Variants in EEA1 observed in about 807,000 individuals in gnomAD.
The protein encoded by EEA1 is early endosome antigen 1, 162kD.
A neutral mutation model predicts 209.2 loss-of-function variants in EEA1; 111 were observed. That is an observed-to-expected ratio of 0.53 (90% CI 0.45 to 0.62). The LOEUF (loss-of-function observed/expected upper bound fraction) is 0.62, where lower values mean the gene tolerates loss of function less well. Among genes scored for constraint, EEA1 ranks in the 20% least tolerant of loss-of-function variants. EEA1 has a pLI of 0.00. For missense variants in EEA1, 1,343 were observed against 1,530.8 expected, an observed-to-expected ratio of 0.88 and a Z score of 2.05; for synonymous variants, 536 against 540.6, an observed-to-expected ratio of 0.99 and a Z score of 0.12.
At position 92,774,799 on chromosome 12, in the gene EEA1, A is replaced by G. The variant is rs1873585413; in HGVS notation, c.*1212T>C. 2 of 151,664 alleles carry G rather than the reference A, an allele frequency of 1.3e-5. No homozygotes were observed. The highest frequency in any genetic ancestry group is 4.8e-5 in the African/African-American group (2 of 41,398). The allele number at this position is 151,664 out of a possible 1,614,324, so 9.4% of individuals were successfully genotyped here. On this transcript the variant is annotated 3_prime_UTR_variant, in exon 29 of 29. Coordinates refer to ENST00000322349, the MANE Select transcript of EEA1 (RefSeq NM_003566.4). ...TGCAAAGTTAAAATTAAAACTGGGA[A>G]CAGTTGACATGGAACACCAAATTCA...
intron 1 of EEA1, among the ~76,000 whole-genome samples, chr12:92,927,321 G>A (rs1032258243): frequency 3.9e-5 from 6 of 152,310 alleles, no homozygotes; most frequent in Middle Eastern, 6.8e-3. Flanking sequence ...CAATAGCGCC[G>A]ACGTTAAGAA....
chr12:92,888,341 G>A (rs1879499648), intron 2 of EEA1, among the ~76,000 whole-genome samples: 1 of 152,158 alleles, frequency 6.6e-6, no homozygotes, highest in Non-Finnish European at 1.5e-5. Flanking sequence ...AGCACTTTGG[G>A]AGGCCGAAGC....
chr12:92,831,640 A>G (rs1876644059), intron 11 of EEA1, among the ~76,000 whole-genome samples: 1 of 147,502 alleles, frequency 6.8e-6, no homozygotes, highest in South Asian at 2.1e-4. Context: ...ATAAATATAT[A>G]AATATATAAT....
intron 1 of EEA1, 26 bp downstream of exon 1, chr12:92,929,017 C>G (rs1328251864): frequency 1.3e-6 from 2 of 1,585,124 alleles, no homozygotes; most frequent in South Asian, 2.3e-5. Context: ...TCACGTGCTG[C>G]CAGAAAGACG....
At chr12:92,843,102 GATCACTAT>G (rs1482314586) in intron 9 of EEA1, among the ~76,000 whole-genome samples, 1 of 152,142 alleles carries the variant, frequency 6.6e-6, no homozygotes, top group Non-Finnish European at 1.5e-5. Flanking sequence ...CCTTAAGCTA[GATCACTAT>G]ATGGTCAGGT....
At position 92,776,032 on chromosome 12, in the gene EEA1, A is replaced by G. The variant is rs375244289; in HGVS notation, c.4215T>C (p.Cys1405=). The G allele has an allele frequency of 1.7e-5, 28 of 1,611,080 alleles. No homozygotes were observed. Among genetic ancestry groups the G allele is most frequent in the Non-Finnish European group, 2.4e-5 (28 of 1,178,158 alleles). The change falls in exon 29 of 29, where the codon TGT becomes TGC. Residue 1405 remains cysteine (C), a synonymous_variant. Transcript: ENST00000322349. ...CCCATTATCCTTGCAAGTCATTGAA[A>G]CATGCATCACAGACACGAACAGGCT... The part of the protein sequence containing the change: ...SKKPVRVCDA[C]FNDLQG
At chr12:92,780,210 T>C (rs1565804934) in intron 24 of EEA1, 70 bp downstream of exon 24, 1 of 1,441,486 alleles carries the variant, frequency 6.9e-7, no homozygotes, top group Non-Finnish European at 9.3e-7. Flanking sequence ...AATAAATATG[T>C]ATGGGTATAT....
At chr12:92,850,321 A>G (rs1467053282) in intron 9 of EEA1, among the ~76,000 whole-genome samples, 1 of 152,204 alleles carries the variant, frequency 6.6e-6, no homozygotes, top group Non-Finnish European at 1.5e-5. Context: ...GGGTTGGCAT[A>G]AAGGGAAGTT....
rs765424559 is a variant in EEA1 at position 92,852,914 on chromosome 12, G to A, written c.518C>T (p.Ala173Val). 6.2e-7 allele frequency: 1 copy of A among 1,606,082 alleles called. No homozygotes were observed. Among genetic ancestry groups the A allele is most frequent in the Non-Finnish European group, 8.5e-7 (1 of 1,175,872 alleles). ...QKAAQLATEI[A>V]DIKSKYDEER... Reference sequence around the variant, plus strand: ...TAAAAAATTCTAACTCAATTTACCTGCAATTTCAGTAGCAAGTTGGGCTGC... The same window carrying A: ...TAAAAAATTCTAACTCAATTTACCTACAATTTCAGTAGCAAGTTGGGCTGC... Residue 173 changes from alanine to valine, a missense_variant and splice_region_variant, in exon 7 of 29, where the codon GCA becomes GTA. By Grantham distance (64) the Ala-to-Val change is moderately conservative (BLOSUM62 0). Transcript: ENST00000322349.
chr12:92,798,568 T>G (rs963425292), intron 21 of EEA1, among the ~76,000 whole-genome samples: 1 of 152,050 alleles, frequency 6.6e-6, no homozygotes, highest in Non-Finnish European at 1.5e-5. Flanking sequence ...GTGATCTGCC[T>G]GCCTTGGAGT....
rs563245622 is a variant in EEA1, at chr12:92,807,079, G to A, written c.2339+1938C>T. ...AGCAATTCTCATGCCTCAGCCTCCC[G>A]AGTAGCTGAGATTACAGGCGTGTGC... On this transcript the variant is annotated intron_variant, in intron 18 of 28. Coordinates refer to ENST00000322349, the MANE Select transcript of EEA1 (RefSeq NM_003566.4). 7.9e-5 allele frequency among the ~76,000 whole-genome samples: 12 copies of A among 152,042 alleles called. No individual in the cohort carries two copies. In the South Asian group the frequency reaches 2.1e-3, roughly 26 times the overall value.
In EEA1 at chr12:92,773,875, A is replaced by C. The variant is rs1482423531; in HGVS notation, c.*2136T>G. On this transcript the variant is annotated 3_prime_UTR_variant, in exon 29 of 29. Coordinates refer to ENST00000322349, the MANE Select transcript of EEA1 (RefSeq NM_003566.4). ...TACTCGGGACTTATGAAATGAAATT[A>C]GATAAAAATGAGAAAATCATTCAAA... 1 of 151,628 alleles carries C rather than the reference A, an allele frequency of 6.6e-6. No individual in the cohort carries two copies. Among genetic ancestry groups the C allele is most frequent in the African/African-American group, 2.4e-5 (1 of 41,392 alleles). 9.4% of individuals were successfully genotyped at this position (151,628 alleles called of 1,614,324 possible). A position where few individuals can be genotyped will look rare whatever the true frequency, so the allele number is the denominator to read the frequency against.
At chr12:92,818,275 A>G (rs1255854597) in intron 14 of EEA1, among the ~76,000 whole-genome samples, 1 of 152,164 alleles carries the variant, frequency 6.6e-6, no homozygotes, top group Non-Finnish European at 1.5e-5. Flanking sequence ...GCGGTGCCAC[A>G]GTCTGGAAAA....
intron 18 of EEA1, among the ~76,000 whole-genome samples, chr12:92,805,144 T>C (rs1422939543): frequency 1.3e-5 from 2 of 152,190 alleles, no homozygotes; most frequent in Non-Finnish European, 2.9e-5. Context: ...GGAGATGATC[T>C]TCATGGACTG....
Position 92,852,182 on chromosome 12 carries a change from G to T in EEA1, c.635C>A (p.Thr212Lys). ...AAATAATTCCTAAATTACCAGTTCC[G>T]TCTTCAGATCTTGAATTACAGTTGC... is the stretch of plus-strand genomic sequence containing the variant. Reference protein sequence around the residue: ...KEATVIQDLKTELLQRPGIED... With the variant: ...KEATVIQDLKKELLQRPGIED... The change falls in exon 8 of 29, where the codon ACG becomes AAG. Residue 212 changes from threonine to lysine, a missense_variant. Physicochemically the swap from Thr to Lys is moderately conservative, Grantham distance 78. Coordinates refer to ENST00000322349, the MANE Select transcript of EEA1 (RefSeq NM_003566.4). 6.3e-7 allele frequency: 1 copy of T among 1,575,238 alleles called. No homozygotes were observed. Among genetic ancestry groups the T allele is most frequent in the Non-Finnish European group, 8.6e-7 (1 of 1,164,176 alleles).
intron 10 of EEA1, among the ~76,000 whole-genome samples, chr12:92,839,283 A>G (rs1877058441): frequency 1.3e-5 from 2 of 152,190 alleles, no homozygotes; most frequent in African/African-American, 4.8e-5. Context: ...ATCCACTCAA[A>G]AGGCAAGATA....
chr12:92,786,938 G>T (rs898579730), intron 22 of EEA1, among the ~76,000 whole-genome samples: 1 of 152,096 alleles, frequency 6.6e-6, no homozygotes, highest in Non-Finnish European at 1.5e-5. Context: ...CTGTCTGCTT[G>T]CTTTATTCAT....
chr12:92,811,452 TG>T lies in EEA1; in HGVS notation c.2044-19del. On this transcript the variant is annotated intron_variant, in intron 16 of 28. Coordinates refer to ENST00000322349, the MANE Select transcript of EEA1 (RefSeq NM_003566.4). ...TTTAACTCCTTTAGAAAAGTACAAT[TG>T]AAGAAAACTTTGGTAAGGTTTACTA... The T allele has an allele frequency of 6.6e-7, 1 of 1,508,704 alleles. No individual in the cohort carries two copies. Among genetic ancestry groups the T allele is most frequent in the Non-Finnish European group, 8.8e-7 (1 of 1,133,846 alleles). The allele number at this position is 1,508,704 out of a possible 1,614,324, so 93.5% of individuals were successfully genotyped here.
chr12:92,822,406 T>TA (rs1385900120), intron 13 of EEA1, among the ~76,000 whole-genome samples: 2 of 152,206 alleles, frequency 1.3e-5, no homozygotes, highest in African/African-American at 4.8e-5. Flanking sequence ...TCATCTCTAT[T>TA]ACTTTACTGA....
Sources: allele counts gnomAD v4.1 joint callset (sites outside exome capture counted in the v4.1 genomes callset), GRCh38; gene constraint gnomAD v4.1.1; transcripts MANE v1.5; gene names NCBI Gene and HGNC (gene_info 2026-07-23, HGNC 2026-07-21).